The following UNC5D variants were observed in gnomAD, a reference collection of about 807,000 sequenced individuals.
UNC5D encodes the protein unc-5 netrin receptor D.
UNC5D carries 39 observed loss-of-function variants against 105.4 expected under a neutral mutation model. That is an observed-to-expected ratio of 0.37 (90% confidence interval 0.29 to 0.48). The LOEUF is 0.48. Among genes scored for constraint, UNC5D ranks in the 20% least tolerant of loss-of-function variants. The probability of loss-of-function intolerance (pLI) is 0.98; values close to 1 mark genes in which losing one functional copy is unlikely to be tolerated. For missense variants in UNC5D, 991 were observed against 1,202.4 expected (o/e 0.82, Z 2.60); for synonymous variants, 452 against 450.4 (o/e 1.00, Z -0.04).
rs191901998 is a variant in UNC5D at position 35,791,727 on chromosome 8, A to C, written c.*1164A>C. On this transcript the variant is annotated 3_prime_UTR_variant, in exon 17 of 17. Coordinates refer to ENST00000404895, the MANE Select transcript of UNC5D (RefSeq NM_080872.4). ...GGAATCCTCTACCACAGTGTCCCTG[A>C]AACCACATGCATCATTCAGGAAGCC... The C allele has an allele frequency of 4.6e-5, 7 of 152,266 alleles. No homozygotes were observed. Among genetic ancestry groups the C allele is most frequent in the Admixed American group, 4.6e-4 (7 of 15,288 alleles). The allele number at this position is 152,266 out of a possible 1,614,324, so 9.4% of individuals were successfully genotyped here. A position where few individuals can be genotyped will look rare whatever the true frequency, so the allele number is the denominator to read the frequency against.
intron 1 of UNC5D, among the ~76,000 whole-genome samples, chr8:35,242,247 C>T (rs1528706): frequency 0.12 from 17,628 of 152,022 alleles, 1,146 homozygotes; most frequent in African/African-American, 0.16. Context: ...GATGTTTTGT[C>T]GTTACCTAAA....
chr8:35,785,363 G>GTA (rs372269227), intron 16 of UNC5D, among the ~76,000 whole-genome samples: 57 of 151,592 alleles, frequency 3.8e-4, no homozygotes, highest in Middle Eastern at 3.4e-3. Context: ...GAGATTTTAG[G>GTA]TATATATATA....
intron 1 of UNC5D, among the ~76,000 whole-genome samples, chr8:35,477,035 A>C (rs1211936984): frequency 2.6e-5 from 4 of 152,110 alleles, no homozygotes; most frequent in Admixed American, 2.6e-4. Flanking sequence ...TCTGTCCATT[A>C]CATTTACCAG....
rs534451052 is a variant in UNC5D, at chr8:35,757,526, C to G, written c.2164-1794C>G. Among the ~76,000 whole-genome samples the G allele has an allele frequency of 3.9e-5, 6 of 152,178 alleles. 1 individual carries two copies. Among genetic ancestry groups the G allele is most frequent in the Admixed American group, 6.5e-5 (1 of 15,272 alleles). ...CTCCTTTCCTGGTCTGTCCTCCCAT[C>G]TGGGTCAGGGGCACCTTCTGTCTTT... On this transcript the variant is annotated intron_variant, in intron 13 of 16. Coordinates refer to ENST00000404895, the MANE Select transcript of UNC5D (RefSeq NM_080872.4).
At chr8:35,551,335 A>G (rs1019271291) in intron 2 of UNC5D, among the ~76,000 whole-genome samples, 2 of 152,166 alleles carry the variant, frequency 1.3e-5, no homozygotes, top group African/African-American at 4.8e-5. Context: ...TAATGAAGAG[A>G]TGTAGATTTG....
chr8:35,254,180 T>C (rs566135333), intron 1 of UNC5D, among the ~76,000 whole-genome samples: 6 of 152,328 alleles, frequency 3.9e-5, no homozygotes, highest in African/African-American at 1.4e-4. Flanking sequence ...ATTGTTCATC[T>C]TTGGTAGCAT....
At chr8:35,403,212 AC>A (rs1326819289) in intron 1 of UNC5D, among the ~76,000 whole-genome samples, 4 of 152,158 alleles carry the variant, frequency 2.6e-5, no homozygotes, top group Non-Finnish European at 5.9e-5. Flanking sequence ...TTGGCCAGCA[AC>A]CCTATGTCAC....
At chr8:35,399,067 C>T (rs1044926048) in intron 1 of UNC5D, among the ~76,000 whole-genome samples, 1 of 150,426 alleles carries the variant, frequency 6.6e-6, no homozygotes, top group African/African-American at 2.5e-5. Context: ...ATTGCTTGAA[C>T]CTGGGAGTCA....
chr8:35,384,495 C>A (rs1454673553), intron 1 of UNC5D, among the ~76,000 whole-genome samples: 1 of 152,138 alleles, frequency 6.6e-6, no homozygotes, highest in Non-Finnish European at 1.5e-5. Context: ...ACAGAGCCAA[C>A]CTTGTAAAAG....
At chr8:35,651,911 A>G (rs1823429072) in intron 4 of UNC5D, among the ~76,000 whole-genome samples, 1 of 152,156 alleles carries the variant, frequency 6.6e-6, no homozygotes. Context: ...TACTTAAGAA[A>G]CTTTGGTTTG....
chr8:35,353,703 AC>A, intron 1 of UNC5D, among the ~76,000 whole-genome samples: 1 of 152,274 alleles, frequency 6.6e-6, no homozygotes, highest in East Asian at 1.9e-4. Context: ...AGAAGAAGAT[AC>A]CTTCATGTGC....
intron 3 of UNC5D, among the ~76,000 whole-genome samples, chr8:35,582,372 C>T (rs1383806710): frequency 1.3e-5 from 2 of 152,120 alleles, no homozygotes; most frequent in African/African-American, 2.4e-5. Context: ...TCTGCTGGGT[C>T]GTTTTATTTT....
At chr8:35,447,133 C>A (rs1376459692) in intron 1 of UNC5D, among the ~76,000 whole-genome samples, 2 of 152,032 alleles carry the variant, frequency 1.3e-5, no homozygotes, top group Admixed American at 6.6e-5. Flanking sequence ...TGTATAAAAA[C>A]TCAAGTTTTC....
intron 1 of UNC5D, among the ~76,000 whole-genome samples, chr8:35,546,059 T>G (rs1219211561): frequency 6.6e-6 from 1 of 152,096 alleles, no homozygotes. Flanking sequence ...GCTAATTTTT[T>G]TATTTTTAAA....
intron 14 of UNC5D, among the ~76,000 whole-genome samples, chr8:35,764,831 T>C (rs1801694237): frequency 6.6e-6 from 1 of 152,214 alleles, no homozygotes; most frequent in African/African-American, 2.4e-5. Context: ...TGGAACTCAG[T>C]AGTAGCCCCT....
At chr8:35,723,175 T>C (rs1383051542) in intron 9 of UNC5D, among the ~76,000 whole-genome samples, 1 of 152,290 alleles carries the variant, frequency 6.6e-6, no homozygotes, top group East Asian at 1.9e-4. Flanking sequence ...CTGTTTATTG[T>C]GCATCAGTGG....
intron 10 of UNC5D, among the ~76,000 whole-genome samples, chr8:35,729,220 T>G (rs1563713382): frequency 6.6e-6 from 1 of 152,240 alleles, no homozygotes; most frequent in Non-Finnish European, 1.5e-5. Flanking sequence ...AGGTGTGATC[T>G]GCGCAGACAG....
chr8:35,750,781 G>A lies in UNC5D; in HGVS notation c.2135G>A (p.Cys712Tyr), dbSNP rs919473093. ...NSLDYNLRVY[C>Y]VDNTPCAFQE... is the part of the protein sequence containing the mutation. Reference sequence around the variant, plus strand: ...CTGGATTACAACTTGAGAGTTTACTGTGTGGACAATACCCCTTGTGCATTT... The same window carrying A: ...CTGGATTACAACTTGAGAGTTTACTATGTGGACAATACCCCTTGTGCATTT... Residue 712 changes from cysteine to tyrosine, a missense_variant, in exon 13 of 17, where the codon TGT becomes TAT. By Grantham distance (194) the Cys-to-Tyr change is radical. Around this residue, in one of 3 missense-constraint regions of UNC5D, gnomAD observed 944 missense variants for 1,131.6 expected, o/e 0.83. Transcript: ENST00000404895. The A allele has an allele frequency of 2.5e-6, 4 of 1,614,116 alleles. No homozygotes were observed. Among genetic ancestry groups the A allele is most frequent in the Non-Finnish European group, 3.4e-6 (4 of 1,180,002 alleles).
chr8:35,335,756 A>ATTTTTTTTTTTTTTTT (rs35774459), intron 1 of UNC5D, among the ~76,000 whole-genome samples: 14 of 90,456 alleles, frequency 1.5e-4, no homozygotes, highest in South Asian at 4.1e-4. Flanking sequence ...AGAGATTGCA[A>ATTTTTTTTTTTTTTTT]TTTTTTTTTT....
Sources: gnomAD v4.1 joint callset for allele counts (sites outside exome capture counted in the v4.1 genomes callset) on GRCh38, gnomAD v4.1.1 for gene constraint, gnomAD v4.1.1 regional missense constraint, MANE v1.5 for transcripts, NCBI Gene and HGNC (gene_info 2026-07-23, HGNC 2026-07-21) for gene names.